RUNX1T1: variants seen among roughly 807,000 people sequenced by gnomAD.
RUNX1T1 encodes the protein protein CBFA2T1.
A neutral mutation model predicts 62.8 loss-of-function variants in RUNX1T1; 4 were observed. The ratio of observed to expected loss-of-function variants is 0.06; its 90% CI spans 0.03 to 0.15. RUNX1T1 has a LOEUF of 0.15. Among genes scored for constraint, RUNX1T1 ranks in the 10% least tolerant of loss-of-function variants. The pLI is 1.00. For missense variants in RUNX1T1, 508 were observed against 754.3 expected, an observed-to-expected ratio of 0.67 and a Z score of 3.82; for synonymous variants, 291 against 286.0, an observed-to-expected ratio of 1.02 and a Z score of -0.18.
At chr8:92,095,283 CCCTTCCTCCTGGCCACCCCT>C (rs992450296) in intron 1 of RUNX1T1, 93 of 1,518,428 alleles carry the variant, frequency 6.1e-5, no homozygotes, top group Non-Finnish European at 8.0e-5. Context: ...CCCCACGCCC[CCCTTCCTCCTGGCCACCCCT>C]CCTTCCTCCC....
chr8:92,065,788 A>C (rs930334478), upstream of RUNX1T1, among the ~76,000 whole-genome samples: 2 of 152,208 alleles, frequency 1.3e-5, no homozygotes, highest in Non-Finnish European at 2.9e-5. Flanking sequence ...ATTTGAGTTA[A>C]AGCCTTTCCA....
At chr8:92,007,711 C>T (rs77288691) in intron 4 of RUNX1T1, among the ~76,000 whole-genome samples, 1,632 of 151,878 alleles carry the variant, frequency 0.011, 21 homozygotes, top group African/African-American at 0.037. Flanking sequence ...ACATCTCTGA[C>T]CATAGAAAAA....
rs1204923739 is a variant in RUNX1T1, at chr8:92,095,285, C to G, written c.-86+4295G>C. On this transcript the variant is annotated intron_variant, in intron 1 of 11. Coordinates refer to the RUNX1T1 transcript ENST00000265814. ...AGAAAAGCCGCCTCCCCACGCCCCC[C>G]TTCCTCCTGGCCACCCCTCCTTCCT... 23 of 1,518,724 alleles carry G rather than the reference C, an allele frequency of 1.5e-5. No homozygotes were observed. The South Asian group carries it at 2.6e-4, about 17-fold the overall frequency. 94.1% of individuals were successfully genotyped at this position (1,518,724 alleles called of 1,614,324 possible).
intron 9 of RUNX1T1, among the ~76,000 whole-genome samples, chr8:91,975,270 A>C (rs1223307551): frequency 6.6e-6 from 1 of 152,226 alleles, no homozygotes; most frequent in Non-Finnish European, 1.5e-5. Context: ...TAAATCTACT[A>C]TTACAAAATA....
chr8:92,016,145 T>G (rs1343542111), intron 2 of RUNX1T1, among the ~76,000 whole-genome samples: 1 of 152,204 alleles, frequency 6.6e-6, no homozygotes, highest in Non-Finnish European at 1.5e-5. Flanking sequence ...CCGATAACAT[T>G]TATTAGTTTC....
intron 3 of RUNX1T1, among the ~76,000 whole-genome samples, chr8:92,014,108 T>C (rs1456758561): frequency 1.3e-5 from 2 of 152,192 alleles, no homozygotes; most frequent in Non-Finnish European, 2.9e-5. Context: ...AATGTGTTGT[T>C]ACAAATTCTT....
intron 1 of RUNX1T1, chr8:92,094,894 T>A (rs1344642598): frequency 4.7e-6 from 3 of 641,936 alleles, no homozygotes; most frequent in Non-Finnish European, 7.9e-6. Flanking sequence ...GCTTTGTCTC[T>A]CCCTTCTTCA....
intron 1 of RUNX1T1, among the ~76,000 whole-genome samples, chr8:92,038,487 G>C (rs1346041805): frequency 2.6e-5 from 4 of 152,094 alleles, no homozygotes; most frequent in African/African-American, 4.8e-5. Context: ...CTGTGGTCAA[G>C]GTTAGATGTG....
intron 8 of RUNX1T1, among the ~76,000 whole-genome samples, chr8:91,979,497 T>A (rs1044098734): frequency 1.3e-5 from 2 of 151,978 alleles, no homozygotes; most frequent in African/African-American, 4.8e-5. Context: ...TATGATATGG[T>A]CTAAAATGTT....
intron 1 of RUNX1T1, among the ~76,000 whole-genome samples, chr8:92,061,568 T>C (rs574150507): frequency 9.3e-4 from 141 of 152,316 alleles, no homozygotes; most frequent in African/African-American, 3.3e-3. Flanking sequence ...ATGATTAGGA[T>C]GGACGAGACA....
chr8:92,034,815 C>CAT (rs1563811269), intron 1 of RUNX1T1, among the ~76,000 whole-genome samples: 1 of 109,490 alleles, frequency 9.1e-6, no homozygotes, highest in Non-Finnish European at 2.0e-5. Flanking sequence ...CACACACACA[C>CAT]ACACACACAC....
At chr8:91,984,757 A>AT (rs1008531158) in intron 8 of RUNX1T1, among the ~76,000 whole-genome samples, 4 of 151,778 alleles carry the variant, frequency 2.6e-5, no homozygotes, top group African/African-American at 4.8e-5. Flanking sequence ...TAAACACAAG[A>AT]TTTTTTTTTC....
chr8:92,088,615 G>A (rs979395011), intron 1 of RUNX1T1, among the ~76,000 whole-genome samples: 3 of 152,094 alleles, frequency 2.0e-5, no homozygotes, highest in Non-Finnish European at 1.5e-5. Flanking sequence ...CCTAATATTA[G>A]GCTCTGGTCT....
intron 1 of RUNX1T1, among the ~76,000 whole-genome samples, chr8:92,034,176 T>C (rs758062396): frequency 1.4e-4 from 22 of 152,112 alleles, no homozygotes; most frequent in Admixed American, 2.6e-4. Context: ...ATCCCATTCA[T>C]ATAACAGTGC....
intron 2 of RUNX1T1, among the ~76,000 whole-genome samples, chr8:92,016,858 T>C (rs1189037225): frequency 1.3e-5 from 2 of 152,210 alleles, no homozygotes; most frequent in African/African-American, 4.8e-5. Context: ...TAATAGCACA[T>C]TTCCATGTTC....
At chr8:92,067,751 G>C (rs941953855), upstream of RUNX1T1, among the ~76,000 whole-genome samples, 86 of 152,252 alleles carry the variant, frequency 5.6e-4, no homozygotes, top group African/African-American at 1.9e-3. Flanking sequence ...AATGAAGTCT[G>C]TTTAAGACAA....
intron 2 of RUNX1T1, among the ~76,000 whole-genome samples, chr8:92,016,020 C>A (rs1001087320): frequency 2.6e-5 from 4 of 152,196 alleles, no homozygotes; most frequent in Non-Finnish European, 5.9e-5. Flanking sequence ...ACTGCATAAA[C>A]AGCCTGAGAT....
rs1352948331 is a variant in RUNX1T1, at chr8:92,060,551, AT to A, written c.7+1994del. 8.9e-4 allele frequency among the ~76,000 whole-genome samples: 85 copies of A among 95,316 alleles called. 1 individual carries two copies. The highest frequency in any genetic ancestry group is 7.8e-3 in the South Asian group (22 of 2,830). The allele number at this position is 95,316 out of a possible 152,430, so 62.5% of individuals were successfully genotyped here. A position where few individuals can be genotyped will look rare whatever the true frequency, so the allele number is the denominator to read the frequency against. Reference sequence around the variant, plus strand: ...TATATATATATATATATATATATATATATGTGTGTGTGTGTGTGTGTGTGTG... The same window carrying A: ...TATATATATATATATATATATATATAATGTGTGTGTGTGTGTGTGTGTGTG... On this transcript the variant is annotated intron_variant, in intron 1 of 10. Transcript: ENST00000396218.
intron 1 of RUNX1T1, among the ~76,000 whole-genome samples, chr8:92,096,950 T>A (rs1362474236): frequency 6.6e-6 from 1 of 152,114 alleles, no homozygotes; most frequent in Non-Finnish European, 1.5e-5. Context: ...CGGTTTTATG[T>A]ATAGTTGAGC....
Sources: gnomAD v4.1 joint callset for allele counts (sites outside exome capture counted in the v4.1 genomes callset) on GRCh38, gnomAD v4.1.1 for gene constraint, MANE v1.5 for transcripts, NCBI Gene and HGNC (gene_info 2026-07-23, HGNC 2026-07-21) for gene names.